Variants in HSPA8 observed in about 807,000 individuals in gnomAD.
HSPA8 encodes heat shock cognate 71 kDa protein.
Under a neutral mutation model 52.8 loss-of-function variants are expected in HSPA8, and 2 were observed. That is an observed-to-expected ratio of 0.04 (90% CI 0.02 to 0.12). The LOEUF (loss-of-function observed/expected upper bound fraction) is 0.12. HSPA8 is among the 10% of genes least tolerant of loss of function. HSPA8 has a pLI of 1.00. For synonymous variants in HSPA8, 436 were observed against 274.0 expected (o/e 1.59, Z -5.84); for missense variants, 349 against 800.5 (o/e 0.44, Z 6.81).
intron 8 of HSPA8, 67 bp downstream of exon 8, chr11:123,058,185 G>A (rs1050838852): frequency 2.0e-6 from 2 of 1,011,684 alleles, no homozygotes; most frequent in African/African-American, 1.7e-5. Context: ...TCCAGCTCAA[G>A]CTTGGTTTAC....
chr11:123,057,832 C>T lies in HSPA8; in HGVS notation c.1843G>A (p.Gly615Arg), dbSNP rs1401181468. 1 of 1,613,482 alleles carries T rather than the reference C, an allele frequency of 6.2e-7. No individual in the cohort carries two copies. Among genetic ancestry groups the T allele is most frequent in the Non-Finnish European group, 8.5e-7 (1 of 1,179,432 alleles). The change falls in exon 9 of 9, where the codon GGA (glycine) becomes AGA (arginine). Residue 615 changes from glycine (G) to arginine (R), a missense_variant. By Grantham distance (125) the Gly-to-Arg change is moderately radical (BLOSUM62 -2). Transcript: ENST00000534624. ...PIITKLYQSA[G>R]GMPGGMPGGF... ...CCAGGCATTCCTCCTGGCATGCCTC[C>T]TGCACTCTGGTACAGCTTGGTGATG... is the stretch of plus-strand genomic sequence containing the variant.
At chr11:123,060,925 G>T in intron 2 of HSPA8, 127 bp from the exon 3 acceptor site, 1 of 942,736 alleles carries the variant, frequency 1.1e-6, no homozygotes, top group Admixed American at 2.3e-5. Flanking sequence ...AGGTAGCAAA[G>T]GTTCAAACTT....
chr11:123,061,470 C>A lies in HSPA8; in HGVS notation c.-5-141G>T, dbSNP rs11823704. The A allele has an allele frequency of 0.017, 11,846 of 678,938 alleles. 753 individuals carry two copies. In the East Asian group the frequency reaches 0.18, roughly 10 times the overall value. The allele number at this position is 678,938 out of a possible 1,614,324, so 42.1% of individuals were successfully genotyped here. A position where few individuals can be genotyped will look rare whatever the true frequency, so the allele number is the denominator to read the frequency against. ...CCATCACCTCCTGTCTAAGCACGCGCGAGGTCCAGAACTAGTGCTGCAGTC... is the reference window on the plus strand; with the variant it reads ...CCATCACCTCCTGTCTAAGCACGCGAGAGGTCCAGAACTAGTGCTGCAGTC... On this transcript the variant is annotated intron_variant, in intron 1 of 8. Transcript: ENST00000534624.
intron 3 of HSPA8, 128 bp downstream of exon 3, chr11:123,060,465 G>A (rs1378249752): frequency 3.3e-6 from 3 of 906,214 alleles, no homozygotes; most frequent in Non-Finnish European, 5.3e-6. Context: ...GGGCACTGTT[G>A]GGCACGTGGT....
rs750895048 is a variant in HSPA8 at position 123,060,285 on chromosome 11, G to T, written c.412-17C>A. 8 of 1,610,588 alleles carry T rather than the reference G, an allele frequency of 5.0e-6. No homozygotes were observed. The South Asian group carries it at 5.5e-5, about 11-fold the overall frequency. ...GGTAACAGTCTAGGAATAAGGAAAA[G>T]ACCACAGATTGGTAACTATTATACT... On this transcript the variant is annotated splice_polypyrimidine_tract_variant and intron_variant, in intron 3 of 8. Transcript: ENST00000534624.
At chr11:123,060,832 T>G (rs1865474707) in intron 2 of HSPA8, 34 bp from the exon 3 acceptor site, 1 of 1,565,932 alleles carries the variant, frequency 6.4e-7, no homozygotes, top group Admixed American at 1.7e-5. Flanking sequence ...CACTTTCAAT[T>G]TCATAGCTCT....
intron 5 of HSPA8, 72 bp downstream of exon 5, chr11:123,059,401 T>TGA (rs2135442374): frequency 7.3e-7 from 1 of 1,373,550 alleles, no homozygotes; most frequent in Non-Finnish European, 9.9e-7. Context: ...TACGAATGTT[T>TGA]AACAATCACT....
rs772233016 is a variant in HSPA8 at position 123,060,020 on chromosome 11, T to C, written c.573A>G (p.Ala191=). The change falls in exon 5 of 9, where the codon GCA becomes GCG. Residue 191 remains alanine, a synonymous_variant. Transcript: ENST00000534624. ...IAYGLDKKVG[A]ERNVLIFDLG... Reference sequence around the variant, plus strand: ...GGTCAAAGATGAGCACGTTTCTTTCTGCTCCAACCTGCCGTTAAAAACAAT... The same window carrying C: ...GGTCAAAGATGAGCACGTTTCTTTCCGCTCCAACCTGCCGTTAAAAACAAT... 1.2e-6 allele frequency: 2 copies of C among 1,613,838 alleles called. No homozygotes were observed. Among genetic ancestry groups the C allele is most frequent in the South Asian group, 1.1e-5 (1 of 91,088 alleles).
In HSPA8 at chr11:123,060,707, G is replaced by C; in HGVS notation, c.297C>G (p.Gly99=). 6.2e-7 allele frequency: 1 copy of C among 1,613,672 alleles called. No individual in the cohort carries two copies. The highest frequency in any genetic ancestry group is 8.5e-7 in the Non-Finnish European group (1 of 1,179,706). Residue 99 remains glycine (G), a synonymous_variant, in exon 3 of 9, where the codon GGC becomes GGG. Coordinates refer to ENST00000534624, the MANE Select transcript of HSPA8 (RefSeq NM_006597.6). ...TGTATTCTACTTGGACCTTGGGCCT[G>C]CCAGCATCATTCACCACCATAAAGG... is the stretch of plus-strand genomic sequence containing the variant. ...HWPFMVVNDA[G]RPKVQVEYKG... is the part of the protein sequence containing the mutation.
rs148737498 is a variant in HSPA8 at position 123,059,501 on chromosome 11, G to A, written c.1092C>T (p.Asn364=). Residue 364 remains asparagine, a synonymous_variant, in exon 5 of 9, where the codon AAC becomes AAT. Transcript: ENST00000534624. ...FNGKELNKSI[N]PDEAVAYGAA... ...CACCATAAGCAACAGCTTCATCAGG[G>A]TTGATGCTCTTATTCAGTTCTTTTC... The A allele has an allele frequency of 7.5e-5, 121 of 1,613,994 alleles. No individual in the cohort carries two copies. The African/African-American group carries it at 1.3e-3, about 17-fold the overall frequency.
rs1470313419 is a variant in HSPA8, at chr11:123,061,317, T to C, written c.8A>G (p.Lys3Arg). The change falls in exon 2 of 9, where the codon AAG becomes AGG. Residue 3 changes from lysine to arginine, a missense_variant. By Grantham distance (26) the Lys-to-Arg change is conservative. Coordinates refer to ENST00000534624, the MANE Select transcript of HSPA8 (RefSeq NM_006597.6). ...AAGATCAATACCAACTGCAGGTCCC[T>C]TGGACATGGTTGCTGAAAAAAAGAA... MS[K>R]GPAVGIDLGT... 5 of 1,611,448 alleles carry C rather than the reference T, an allele frequency of 3.1e-6. No homozygotes were observed. The highest frequency in any genetic ancestry group is 3.4e-6 in the Non-Finnish European group (4 of 1,179,026).
chr11:123,058,873 CTG>C (rs1257413953), intron 6 of HSPA8, 43 bp from the exon 7 acceptor site: 4 of 1,570,768 alleles, frequency 2.5e-6, no homozygotes, highest in Non-Finnish European at 3.5e-6. Context: ...GACTCCAGGT[CTG>C]TGACAGTGCT....
Position 123,058,182 on chromosome 11 carries a change from C to G in HSPA8, c.1755+70G>C, listed in dbSNP as rs1865367686. ...TGTGACCCTACACTGAAATCCAGCTCAAGCTTGGTTTACCATCCCCTTCCC... is the reference window on the plus strand; with the variant it reads ...TGTGACCCTACACTGAAATCCAGCTGAAGCTTGGTTTACCATCCCCTTCCC... On this transcript the variant is annotated intron_variant, in intron 8 of 8. Coordinates refer to ENST00000534624, the MANE Select transcript of HSPA8 (RefSeq NM_006597.6). 5.0e-6 allele frequency: 5 copies of G among 991,402 alleles called. No homozygotes were observed. The Admixed American group carries it at 8.1e-5, about 16-fold the overall frequency. The allele number at this position is 991,402 out of a possible 1,614,324, so 61.4% of individuals were successfully genotyped here.
rs747449685 is a variant in HSPA8, at chr11:123,061,115, C to G, written c.205+5G>C. ...TTGTTCTGTCATTTAAAATTAGGAACTCACCAAAAACTGTGTTGGTGGGGT... is the reference window on the plus strand; with the variant it reads ...TTGTTCTGTCATTTAAAATTAGGAAGTCACCAAAAACTGTGTTGGTGGGGT... On this transcript the variant is annotated splice_donor_5th_base_variant and intron_variant, in intron 2 of 8. Coordinates refer to ENST00000534624, the MANE Select transcript of HSPA8 (RefSeq NM_006597.6). 1 of 1,611,898 alleles carries G rather than the reference C, an allele frequency of 6.2e-7. No homozygotes were observed. Among genetic ancestry groups the G allele is most frequent in the South Asian group, 1.1e-5 (1 of 91,022 alleles).
At chr11:123,061,682 C>T (rs781131205) in intron 1 of HSPA8, 2 of 316,472 alleles carry the variant, frequency 6.3e-6, no homozygotes, top group Non-Finnish European at 6.1e-6. Flanking sequence ...TACCCCCATA[C>T]TGGAAGCACG....
chr11:123,058,869 AG>A (rs1565367239), intron 6 of HSPA8, 39 bp from the exon 7 acceptor site: 1 of 1,586,070 alleles, frequency 6.3e-7, no homozygotes, highest in East Asian at 2.2e-5. Context: ...AATGGACTCC[AG>A]GTCTGTGACA....
At position 123,061,396 on chromosome 11, in the gene HSPA8, A is replaced by C. The variant is rs1865495357; in HGVS notation, c.-5-67T>G. 9.3e-5 allele frequency: 116 copies of C among 1,251,270 alleles called. 1 individual carries two copies. In the South Asian group the frequency reaches 1.4e-3, roughly 15 times the overall value. The allele number at this position is 1,251,270 out of a possible 1,614,324, so 77.5% of individuals were successfully genotyped here. A position where few individuals can be genotyped will look rare whatever the true frequency, so the allele number is the denominator to read the frequency against. ...AAATATTTCCCTCATCCCTTAACAGAACACTTAACCAGGAAAAACGTATGG... is the reference window on the plus strand; with the variant it reads ...AAATATTTCCCTCATCCCTTAACAGCACACTTAACCAGGAAAAACGTATGG... On this transcript the variant is annotated intron_variant, in intron 1 of 8. Coordinates refer to ENST00000534624, the MANE Select transcript of HSPA8 (RefSeq NM_006597.6).
In HSPA8 at chr11:123,060,807, G is replaced by A. The variant is rs761972842; in HGVS notation, c.206-9C>T. Reference sequence around the variant, plus strand: ...AATCAGACGTTTGGCATCTGTAAAAGGTGTCAAATGAAAACACTTTCAATT... The same window carrying A: ...AATCAGACGTTTGGCATCTGTAAAAAGTGTCAAATGAAAACACTTTCAATT... On this transcript the variant is annotated splice_polypyrimidine_tract_variant and intron_variant, in intron 2 of 8. Transcript: ENST00000534624. 14 of 1,602,326 alleles carry A rather than the reference G, an allele frequency of 8.7e-6. No individual in the cohort carries two copies. Among genetic ancestry groups the A allele is most frequent in the South Asian group, 3.3e-5 (3 of 90,552 alleles).
chr11:123,060,971 G>A (rs1865480897), intron 2 of HSPA8, 149 bp downstream of exon 2: 3 of 903,188 alleles, frequency 3.3e-6, no homozygotes, highest in African/African-American at 1.7e-5. Flanking sequence ...AGCCTGAAAG[G>A]TTTCTACAAC....
Sources: gnomAD v4.1 joint callset for allele counts on GRCh38, gnomAD v4.1.1 for gene constraint, MANE v1.5 for transcripts, NCBI Gene and HGNC (gene_info 2026-07-23, HGNC 2026-07-21) for gene names.